Variants in ATG9B observed in about 807,000 individuals in gnomAD.
ATG9B encodes the protein autophagy related 9B.
ATG9B carries 92 observed loss-of-function variants against 92.9 expected under a neutral mutation model. The ratio of observed to expected loss-of-function variants is 0.99; its 90% CI spans 0.84 to 1.18. ATG9B has a LOEUF of 1.18. ATG9B is among the 50% of genes most tolerant of loss of function. The pLI, the probability that ATG9B is intolerant of heterozygous loss-of-function variation, is 0.00. For missense variants in ATG9B, 1,344 were observed against 1,235.0 expected (o/e 1.09, Z -1.32); for synonymous variants, 599 against 551.4 (o/e 1.09, Z -1.21).
chr7:151,016,402 A>G, intron 11 of ATG9B, 29 bp downstream of exon 11: 1 of 1,546,650 alleles, frequency 6.5e-7, no homozygotes. Flanking sequence ...TTCTCTCCAC[A>G]TTTCTCCTTT....
At chr7:151,020,572 C>G (rs1584929334) in intron 5 of ATG9B, among the ~76,000 whole-genome samples, 1 of 152,242 alleles carries the variant, frequency 6.6e-6, no homozygotes, top group African/African-American at 2.4e-5. Flanking sequence ...GGGAAGCAAG[C>G]TGCAGAAGGC....
At chr7:151,019,477 G>A in intron 5 of ATG9B, 103 bp from the exon 6 acceptor site, 2 of 1,420,740 alleles carry the variant, frequency 1.4e-6, no homozygotes, top group Non-Finnish European at 1.8e-6. Context: ...CGCAAACTGA[G>A]TTTGCGATCA....
At chr7:151,019,708 C>G (rs1795677970) in intron 5 of ATG9B, 1 of 272,450 alleles carries the variant, frequency 3.7e-6, no homozygotes, top group African/African-American at 2.2e-5. Flanking sequence ...GGCCTGAGGC[C>G]CCCTCAGTTG....
chr7:151,021,072 C>G (rs1463341149), intron 5 of ATG9B, 116 bp downstream of exon 5: 1 of 1,272,330 alleles, frequency 7.9e-7, no homozygotes, highest in Non-Finnish European at 1.1e-6. Flanking sequence ...AATAAGACCT[C>G]GCTCTTTCTG....
chr7:151,013,211 A>C (rs753364024), downstream of ATG9B: 55 of 1,604,020 alleles, frequency 3.4e-5, no homozygotes, highest in South Asian at 6.1e-4. Flanking sequence ...GAGCCTTCCC[A>C]AGCGCGGGGT....
chr7:151,022,950 G>T, intron 4 of ATG9B, 95 bp downstream of exon 4: 1 of 1,516,868 alleles, frequency 6.6e-7, no homozygotes, highest in Non-Finnish European at 9.0e-7. Context: ...TTTGAGAACT[G>T]CTGATCTAGA....
chr7:151,019,228 C>T lies in ATG9B; in HGVS notation c.1110G>A (p.Ala370=), dbSNP rs767818612. 2.6e-6 allele frequency: 4 copies of T among 1,548,358 alleles called. No homozygotes were observed. Among genetic ancestry groups the T allele is most frequent in the Non-Finnish European group, 2.6e-6 (3 of 1,152,520 alleles). ...CCGGCAGCAGGCCTTTGTTGGCCAG[C>T]GCCACCTGGTAGTTGGTGTAGCGCA... ...RILRYTNYQV[A]LANKGLLPAR... is the part of the protein sequence containing the mutation. The change falls in exon 6 of 14, where the codon GCG becomes GCA. Residue 370 remains alanine (A), a synonymous_variant. Coordinates refer to ENST00000639579, the MANE Select transcript of ATG9B (RefSeq NM_001317056.2).
chr7:151,024,172 A>AGAAGCCCCT lies in ATG9B; in HGVS notation c.243_251dup (p.Gly82_Ser84dup), dbSNP rs1795866287. 9.6e-6 allele frequency: 15 copies of AGAAGCCCCT among 1,554,924 alleles called. No individual in the cohort carries two copies. The highest frequency in any genetic ancestry group is 1.2e-5 in the South Asian group (1 of 80,846). On this transcript the variant is annotated inframe_insertion, in exon 1 of 14. Transcript: ENST00000639579. ...TAGGGAGAGCACTGTGGCAAGACTG[A>AGAAGCCCCT]GAAGCCCCTGTCCCCTGTAGCACTG...
intron 9 of ATG9B, 104 bp from the exon 10 acceptor site, chr7:151,016,925 G>T: frequency 6.6e-7 from 1 of 1,510,106 alleles, no homozygotes; most frequent in East Asian, 2.3e-5. Context: ...GAGCAGGCTG[G>T]GGGCGGGGGC....
downstream of ATG9B, chr7:151,014,356 T>C: frequency 1.5e-6 from 1 of 649,478 alleles, no homozygotes; most frequent in Non-Finnish European, 2.5e-6. Flanking sequence ...CTAGGCCTGT[T>C]GCCTCGGGCC....
At position 151,018,367 on chromosome 7, in the gene ATG9B, A is replaced by T; in HGVS notation, c.1799T>A (p.Leu600His). 1 of 1,597,862 alleles carries T rather than the reference A, an allele frequency of 6.3e-7. No individual in the cohort carries two copies. Among genetic ancestry groups the T allele is most frequent in the South Asian group, 1.1e-5 (1 of 89,060 alleles). Reference sequence around the variant, plus strand: ...GCCGCCGGGGCCGGGCTCCTCCGGGAGGTAGTGCATGTGGGCCAGGGCTGT... The same window carrying T: ...GCCGCCGGGGCCGGGCTCCTCCGGGTGGTAGTGCATGTGGGCCAGGGCTGT... ...LQTALAHMHYLPEEPGPGGRD... is the reference protein window; with the variant it reads ...LQTALAHMHYHPEEPGPGGRD... Residue 600 changes from leucine (L) to histidine (H), a missense_variant, in exon 7 of 14, where the codon CTC becomes CAC. Transcript: ENST00000639579. This position sits in a 1 kb window ranked among gnomAD's most constrained non-coding sequence, Gnocchi z 4.7.
At chr7:151,012,626 C>A, downstream of ATG9B, 1 of 883,540 alleles carries the variant, frequency 1.1e-6, no homozygotes, top group Non-Finnish European at 1.7e-6. Context: ...GGGCAGGTAC[C>A]AAAGGCAAGG....
At chr7:151,013,688 C>T (rs868360113), downstream of ATG9B, 1 of 1,503,710 alleles carries the variant, frequency 6.7e-7, no homozygotes, top group Non-Finnish European at 9.0e-7. Context: ...CGCGCCCACC[C>T]CCACCAGGGC....
chr7:151,014,783 A>G (rs1481947558), downstream of ATG9B: 3 of 151,866 alleles, frequency 2.0e-5, no homozygotes, highest in African/African-American at 4.8e-5. Context: ...TAGGTTTTGT[A>G]TTTTTAGTAA....
chr7:151,015,819 C>T (rs974788092), intron 13 of ATG9B, 63 bp downstream of exon 13: 70 of 1,497,240 alleles, frequency 4.7e-5, no homozygotes, highest in Non-Finnish European at 5.7e-5. Context: ...CGCTTCAAGT[C>T]GGACTCCAAA....
In ATG9B at chr7:151,023,961, C is replaced by T. The variant is rs1255243307; in HGVS notation, c.463G>A (p.Glu155Lys). Reference sequence around the variant, plus strand: ...TGGGACCCCTCAGGGTCACAGTCCTCCAGCCGCTCATAATCCTGTTCAGGG... The same window carrying T: ...TGGGACCCCTCAGGGTCACAGTCCTTCAGCCGCTCATAATCCTGTTCAGGG... ...LIPEQDYERL[E>K]DCDPEGSQDS... The change falls in exon 1 of 14, where the codon GAG becomes AAG. Residue 155 changes from glutamate (E) to lysine (K), a missense_variant. Transcript: ENST00000639579. 6 of 1,589,834 alleles carry T rather than the reference C, an allele frequency of 3.8e-6. No homozygotes were observed. Among genetic ancestry groups the T allele is most frequent in the Non-Finnish European group, 5.1e-6 (6 of 1,168,134 alleles).
Position 151,021,205 on chromosome 7 carries a change from C to T in ATG9B, c.946G>A (p.Ala316Thr). 6.2e-7 allele frequency: 1 copy of T among 1,613,440 alleles called. No individual in the cohort carries two copies. The highest frequency in any genetic ancestry group is 8.5e-7 in the Non-Finnish European group (1 of 1,179,888). ...YWDIQVFYRE[A>T]LHIPPEELSS... ...CAGCTCACCGGGGGGATGTGCAGGG[C>T]CTCCCTGTAAAACACCTGGATGTCC... is the stretch of plus-strand genomic sequence containing the variant. Residue 316 changes from alanine to threonine, a missense_variant, in exon 5 of 14, where the codon GCC (alanine) becomes ACC (threonine). Transcript: ENST00000639579.
chr7:151,019,968 G>A (rs1197152016), intron 5 of ATG9B: 4 of 152,262 alleles, frequency 2.6e-5, no homozygotes, highest in African/African-American at 9.7e-5. Flanking sequence ...CAGCCTGGGT[G>A]AAAGACCCAG....
chr7:151,012,776 T>C (rs958717272), downstream of ATG9B: 2 of 354,636 alleles, frequency 5.6e-6, no homozygotes, highest in Non-Finnish European at 1.0e-5. Context: ...TTCTTGACTG[T>C]GCCAGAGCTG....
Sources: gnomAD v4.1 joint callset for allele counts (sites outside exome capture counted in the v4.1 genomes callset) on GRCh38, gnomAD v4.1.1 for gene constraint, Gnocchi (gnomAD v3.1) non-coding constraint, MANE v1.5 for transcripts, NCBI Gene and HGNC (gene_info 2026-07-23, HGNC 2026-07-21) for gene names.